Variants in KIF18A observed in about 807,000 individuals in gnomAD.
The protein encoded by KIF18A is kinesin-like protein KIF18A.
In KIF18A, 67 loss-of-function variants were observed where a neutral mutation model predicts 103.3. The observed-to-expected ratio is 0.65, with a 90% CI of 0.53 to 0.79. KIF18A has a LOEUF of 0.79. Ranked by LOEUF, KIF18A falls within the 30% of genes least tolerant of loss-of-function variation. The probability of loss-of-function intolerance (pLI) is 0.00; values close to 1 mark genes in which losing one functional copy is unlikely to be tolerated. For synonymous variants in KIF18A, 367 were observed against 355.5 expected (o/e 1.03, Z -0.36); for missense variants, 1,032 against 1,062.5 (o/e 0.97, Z 0.40).
chr11:28,076,169 T>A (rs1851088765), intron 10 of KIF18A, among the ~76,000 whole-genome samples: 1 of 152,080 alleles, frequency 6.6e-6, no homozygotes, highest in African/African-American at 2.4e-5. Context: ...GTGGGAGTGG[T>A]CTGTGTTTGG....
At chr11:28,037,975 C>T (rs1167313636) in intron 13 of KIF18A, among the ~76,000 whole-genome samples, 4 of 151,574 alleles carry the variant, frequency 2.6e-5, no homozygotes, top group Non-Finnish European at 5.9e-5. Context: ...CCATTACCTT[C>T]TCTGTCACCT....
chr11:28,040,567 AGAT>A (rs1850545818), intron 13 of KIF18A, among the ~76,000 whole-genome samples: 1 of 151,766 alleles, frequency 6.6e-6, no homozygotes, highest in East Asian at 1.9e-4. Flanking sequence ...GAGACCATAT[AGAT>A]GATGATAGCC....
At chr11:28,076,850 C>T (rs1208859430) in intron 10 of KIF18A, 157 bp downstream of exon 10, 2 of 392,408 alleles carry the variant, frequency 5.1e-6, no homozygotes, top group African/African-American at 2.3e-5. Flanking sequence ...AGGAGAATTG[C>T]TTGAATCCGG....
Position 28,021,095 on chromosome 11 carries a change from A to G in KIF18A, c.*105T>C. On this transcript the variant is annotated 3_prime_UTR_variant, in exon 17 of 17. Transcript: ENST00000263181. ...AAAGTACTTGGGTAAACTTAGCTTT[A>G]AGATGGGTCTTCTTTCAAAGATTTT... 1.8e-6 allele frequency: 2 copies of G among 1,114,476 alleles called. No homozygotes were observed. The highest frequency in any genetic ancestry group is 2.3e-6 in the Non-Finnish European group (2 of 869,126). The allele number at this position is 1,114,476 out of a possible 1,614,324, so 69.0% of individuals were successfully genotyped here.
chr11:28,066,913 T>C (rs1026031000), intron 11 of KIF18A, among the ~76,000 whole-genome samples: 8 of 151,420 alleles, frequency 5.3e-5, no homozygotes, highest in Non-Finnish European at 8.8e-5. Flanking sequence ...ATGCTATTGT[T>C]GCTTAGAATA....
intron 13 of KIF18A, among the ~76,000 whole-genome samples, chr11:28,046,085 C>A (rs1019314265): frequency 6.6e-5 from 10 of 151,350 alleles, no homozygotes; most frequent in African/African-American, 2.4e-4. Flanking sequence ...AACACTTTTA[C>A]ACTGTTGGTG....
chr11:28,070,691 A>G (rs1030296204), intron 10 of KIF18A, among the ~76,000 whole-genome samples: 1 of 152,198 alleles, frequency 6.6e-6, no homozygotes, highest in Admixed American at 6.5e-5. Context: ...AGAGAAAACA[A>G]AACAAAATGT....
intron 15 of KIF18A, among the ~76,000 whole-genome samples, chr11:28,029,554 C>T (rs909891116): frequency 2.0e-5 from 3 of 152,112 alleles, no homozygotes; most frequent in African/African-American, 4.8e-5. Flanking sequence ...CTATCTATGA[C>T]AAACCCACAG....
At chr11:28,098,856 A>AAAC (rs996563902) in intron 1 of KIF18A, among the ~76,000 whole-genome samples, 5 of 151,252 alleles carry the variant, frequency 3.3e-5, no homozygotes, top group East Asian at 3.9e-4. Context: ...ACAAAAAAAC[A>AAAC]AACAACAACA....
Position 28,036,209 on chromosome 11 carries a change from T to C in KIF18A, c.2396+8A>G. On this transcript the variant is annotated splice_region_variant and intron_variant, in intron 14 of 16. Coordinates refer to ENST00000263181, the MANE Select transcript of KIF18A (RefSeq NM_031217.4). ...AAAAAAGAATTGGCAAATATTATTT[T>C]TTTGTACCGTTGTAAAATGTCTTTG... The C allele has an allele frequency of 7.8e-6, 12 of 1,528,992 alleles. No homozygotes were observed. Among genetic ancestry groups the C allele is most frequent in the Non-Finnish European group, 1.1e-5 (12 of 1,133,634 alleles). The allele number at this position is 1,528,992 out of a possible 1,614,324, so 94.7% of individuals were successfully genotyped here. A position where few individuals can be genotyped will look rare whatever the true frequency, so the allele number is the denominator to read the frequency against.
intron 14 of KIF18A, 63 bp downstream of exon 14, chr11:28,036,154 C>T: frequency 1.9e-6 from 2 of 1,032,688 alleles, no homozygotes; most frequent in South Asian, 1.9e-5. Context: ...TGAAATAAAC[C>T]TCAACTAATA....
At chr11:28,076,971 T>A (rs553527992) in intron 10 of KIF18A, 36 bp downstream of exon 10, 26 of 1,067,512 alleles carry the variant, frequency 2.4e-5, no homozygotes, top group Non-Finnish European at 3.3e-5. Flanking sequence ...CATGTTTTTA[T>A]ACTTTCTAAA....
chr11:28,083,563 T>C (rs1377951786), intron 7 of KIF18A, among the ~76,000 whole-genome samples: 1 of 152,154 alleles, frequency 6.6e-6, no homozygotes, highest in Non-Finnish European at 1.5e-5. Context: ...AGGAATTCAG[T>C]TGGTTTTCAC....
intron 10 of KIF18A, among the ~76,000 whole-genome samples, chr11:28,075,485 G>A (rs901223981): frequency 6.6e-6 from 1 of 152,100 alleles, no homozygotes; most frequent in Non-Finnish European, 1.5e-5. Flanking sequence ...TCAATAAGGT[G>A]AGTTTTTAAT....
At chr11:28,036,111 CTG>C (rs1411662470) in intron 14 of KIF18A, 104 bp downstream of exon 14, 8 of 638,074 alleles carry the variant, frequency 1.3e-5, no homozygotes, top group Non-Finnish European at 1.8e-5. Context: ...ATAAAACAGA[CTG>C]TTTTATAATC....
Position 28,023,721 on chromosome 11 carries a change from A to C in KIF18A, c.2614+20T>G. 7.3e-7 allele frequency: 1 copy of C among 1,371,832 alleles called. No homozygotes were observed. The highest frequency in any genetic ancestry group is 1.4e-5 in the African/African-American group (1 of 70,256). 85.0% of individuals were successfully genotyped at this position (1,371,832 alleles called of 1,614,324 possible). A position where few individuals can be genotyped will look rare whatever the true frequency, so the allele number is the denominator to read the frequency against. The stretch of plus-strand genomic sequence containing the variant: ...TACAGAGTCATACCATTAAATATCA[A>C]ATTAAAAGCTGAGACATACCCATTG... On this transcript the variant is annotated intron_variant, in intron 16 of 16. Transcript: ENST00000263181.
Position 28,022,783 on chromosome 11 carries a change from A to G in KIF18A, c.2614+958T>C, listed in dbSNP as rs760325921. Among the ~76,000 whole-genome samples the G allele has an allele frequency of 3.3e-5, 5 of 152,290 alleles. No homozygotes were observed. The South Asian group carries it at 8.3e-4, about 25-fold the overall frequency. On this transcript the variant is annotated intron_variant, in intron 16 of 16. Transcript: ENST00000263181. ...TTTCAATTTGCTGTCTGATGCTTCAATTTCCATTGAACTTAAGGTAAACAC... is the reference window on the plus strand; with the variant it reads ...TTTCAATTTGCTGTCTGATGCTTCAGTTTCCATTGAACTTAAGGTAAACAC...
intron 5 of KIF18A, among the ~76,000 whole-genome samples, chr11:28,089,699 A>T (rs1376166254): frequency 2.6e-5 from 4 of 152,240 alleles, no homozygotes; most frequent in Non-Finnish European, 5.9e-5. Context: ...TATACAGTAA[A>T]GTCTACTTGT....
At chr11:28,062,358 T>C (rs1331105994) in intron 12 of KIF18A, 37 bp downstream of exon 12, 2 of 1,551,750 alleles carry the variant, frequency 1.3e-6, no homozygotes, top group Non-Finnish European at 1.7e-6. Flanking sequence ...TCAGATATAG[T>C]GTTAAAATTG....
Sources: gnomAD v4.1 joint callset for allele counts (sites outside exome capture counted in the v4.1 genomes callset) on GRCh38, gnomAD v4.1.1 for gene constraint, MANE v1.5 for transcripts, NCBI Gene and HGNC (gene_info 2026-07-23, HGNC 2026-07-21) for gene names.